OTUD3: variants seen among roughly 807,000 people sequenced by gnomAD.
OTUD3 encodes the protein OTU domain-containing protein 3.
OTUD3 carries 24 observed loss-of-function variants against 46.2 expected under a neutral mutation model. The observed-to-expected ratio is 0.52, with a 90% CI of 0.38 to 0.73. OTUD3 has a LOEUF of 0.73. OTUD3 is among the 30% of genes least tolerant of loss of function. The pLI is 0.00. For synonymous variants in OTUD3, 189 were observed against 195.4 expected (o/e 0.97, Z 0.27); for missense variants, 455 against 523.3 (o/e 0.87, Z 1.27).
At chr1:19,897,480 C>G in intron 3 of OTUD3, 60 bp from the exon 4 acceptor site, 2 of 1,590,344 alleles carry the variant, frequency 1.3e-6, no homozygotes, top group South Asian at 1.1e-5. Context: ...GTGGGTGTTT[C>G]TCTCCAGAAG....
rs2045721249 is a variant in OTUD3 at position 19,910,525 on chromosome 1, TAGA to T, written c.*2781_*2783del. The T allele has an allele frequency of 6.6e-6, 1 of 152,350 alleles. No individual in the cohort carries two copies. The highest frequency in any genetic ancestry group is 1.5e-5 in the Non-Finnish European group (1 of 68,042). 9.4% of individuals were successfully genotyped at this position (152,350 alleles called of 1,614,324 possible). ...TTGCCACTAGGAGATATTAGAAAGT[TAGA>T]ATGTATGTGTGTATTTAGTTTTTCA... On this transcript the variant is annotated 3_prime_UTR_variant, in exon 8 of 8. Coordinates refer to ENST00000375120, the MANE Select transcript of OTUD3 (RefSeq NM_015207.2).
chr1:19,911,104 G>C lies in OTUD3; in HGVS notation c.*3358G>C, dbSNP rs137878898. Reference sequence around the variant, plus strand: ...TTACCCTGACCAAAAGGATCTCTGCGGGGGGAAGAGAATGGAGCTTCCTGA... The same window carrying C: ...TTACCCTGACCAAAAGGATCTCTGCCGGGGGAAGAGAATGGAGCTTCCTGA... On this transcript the variant is annotated 3_prime_UTR_variant, in exon 8 of 8. Transcript: ENST00000375120. 2.0e-5 allele frequency: 3 copies of C among 152,260 alleles called. No homozygotes were observed. Among genetic ancestry groups the C allele is most frequent in the Non-Finnish European group, 4.4e-5 (3 of 68,028 alleles). 9.4% of individuals were successfully genotyped at this position (152,260 alleles called of 1,614,324 possible). A position where few individuals can be genotyped will look rare whatever the true frequency, so the allele number is the denominator to read the frequency against.
At chr1:19,890,127 T>C (rs563404935) in intron 1 of OTUD3, among the ~76,000 whole-genome samples, 15 of 152,194 alleles carry the variant, frequency 9.9e-5, no homozygotes, top group African/African-American at 3.6e-4. Context: ...CCCAGGGAAG[T>C]TTGATGACTC....
Position 19,905,002 on chromosome 1 carries a change from A to G in OTUD3, c.835+15A>G, listed in dbSNP as rs759152029. On this transcript the variant is annotated intron_variant, in intron 6 of 7. Transcript: ENST00000375120. Reference sequence around the variant, plus strand: ...GAAGAGAAATAGTAAGTCCATGACTAATATTTATAGATCTTCAAAATGGTT... The same window carrying G: ...GAAGAGAAATAGTAAGTCCATGACTGATATTTATAGATCTTCAAAATGGTT... 4.8e-6 allele frequency: 6 copies of G among 1,256,764 alleles called. No homozygotes were observed. The highest frequency in any genetic ancestry group is 1.9e-4 in the Middle Eastern group (1 of 5,208). The allele number at this position is 1,256,764 out of a possible 1,614,324, so 77.9% of individuals were successfully genotyped here. A position where few individuals can be genotyped will look rare whatever the true frequency, so the allele number is the denominator to read the frequency against.
In OTUD3 at chr1:19,882,410, C is replaced by G; in HGVS notation, c.-104C>G. ...AGGCGCGGTTGCTGCGTAGTCGTCG[C>G]CGGGCTCCGTTGCCCGCGCTGTTTT... On this transcript the variant is annotated 5_prime_UTR_variant, in exon 1 of 8. Transcript: ENST00000375120. 7.7e-7 allele frequency: 1 copy of G among 1,299,126 alleles called. No individual in the cohort carries two copies. Among genetic ancestry groups the G allele is most frequent in the Non-Finnish European group, 9.7e-7 (1 of 1,026,386 alleles). 80.5% of individuals were successfully genotyped at this position (1,299,126 alleles called of 1,614,324 possible).
chr1:19,901,605 ACTT>A (rs1300981129), intron 4 of OTUD3, among the ~76,000 whole-genome samples: 1 of 152,204 alleles, frequency 6.6e-6, no homozygotes, highest in East Asian at 1.9e-4. Context: ...TTGTACAACC[ACTT>A]CTTCTGTCTA....
intron 1 of OTUD3, among the ~76,000 whole-genome samples, chr1:19,884,271 T>C (rs984248620): frequency 1.3e-5 from 2 of 152,170 alleles, no homozygotes; most frequent in African/African-American, 4.8e-5. Context: ...ACTGAAGTAC[T>C]CAATAGAAGG....
intron 2 of OTUD3, among the ~76,000 whole-genome samples, chr1:19,892,649 T>G (rs912763596): frequency 2.6e-5 from 4 of 152,194 alleles, no homozygotes; most frequent in Non-Finnish European, 5.9e-5. Context: ...TACCCGTTCA[T>G]TACATGTTAT....
chr1:19,905,598 G>A (rs996625017), intron 6 of OTUD3, among the ~76,000 whole-genome samples: 5 of 152,012 alleles, frequency 3.3e-5, no homozygotes, highest in African/African-American at 9.7e-5. Flanking sequence ...AAAATTAGCT[G>A]GGTGTGGTGG....
At chr1:19,900,920 T>G (rs562119581) in intron 4 of OTUD3, among the ~76,000 whole-genome samples, 7 of 146,902 alleles carry the variant, frequency 4.8e-5, no homozygotes, top group East Asian at 1.9e-4. Flanking sequence ...TTTTTTGTTT[T>G]TTTTTTTTTT....
At chr1:19,887,375 C>T (rs1476635580) in intron 1 of OTUD3, among the ~76,000 whole-genome samples, 1 of 152,156 alleles carries the variant, frequency 6.6e-6, no homozygotes, top group African/African-American at 2.4e-5. Flanking sequence ...TGAGCCACCG[C>T]ACCCGGCTGA....
intron 4 of OTUD3, among the ~76,000 whole-genome samples, chr1:19,901,273 A>C: frequency 6.6e-6 from 1 of 152,176 alleles, no homozygotes; most frequent in Middle Eastern, 3.2e-3. Flanking sequence ...AAAAGCTGAC[A>C]TCTTTTTGAT....
intron 6 of OTUD3, 74 bp from the exon 7 acceptor site, chr1:19,906,358 G>A: frequency 1.5e-6 from 2 of 1,318,718 alleles, no homozygotes; most frequent in Middle Eastern, 3.8e-4. Flanking sequence ...AGGTAATTTT[G>A]GAATCATTAA....
chr1:19,906,499 T>C lies in OTUD3; in HGVS notation c.903T>C (p.Gly301=), dbSNP rs1335455375. ...AGTGTGGCCCTTTGTGGGAGGAGGG[T>C]GGCAGTGGTGCCAGAATCTTTGGAA... is the stretch of plus-strand genomic sequence containing the variant. The part of the protein sequence containing the change: ...LKQCGPLWEE[G]GSGARIFGNQ... The change falls in exon 7 of 8, where the codon GGT becomes GGC. Residue 301 remains glycine, a synonymous_variant. Transcript: ENST00000375120. 5 of 1,613,972 alleles carry C rather than the reference T, an allele frequency of 3.1e-6. No homozygotes were observed. Among genetic ancestry groups the C allele is most frequent in the Non-Finnish European group, 4.2e-6 (5 of 1,179,992 alleles).
At chr1:19,888,879 G>A (rs1303493543) in intron 1 of OTUD3, among the ~76,000 whole-genome samples, 1 of 152,034 alleles carries the variant, frequency 6.6e-6, no homozygotes, top group East Asian at 1.9e-4. Context: ...GAGTTCATGT[G>A]GCATATACAG....
At chr1:19,895,059 C>A (rs1442562199) in intron 3 of OTUD3, among the ~76,000 whole-genome samples, 1 of 152,204 alleles carries the variant, frequency 6.6e-6, no homozygotes, top group African/African-American at 2.4e-5. Context: ...CATTCACACA[C>A]ACTTGGCTAT....
Position 19,911,414 on chromosome 1 carries a change from G to C in OTUD3, c.*3668G>C, listed in dbSNP as rs1487249660. On this transcript the variant is annotated 3_prime_UTR_variant, in exon 8 of 8. Transcript: ENST00000375120. ...TTTTTTTTTTTTTTTTTTTGAGACA[G>C]AGTCTTGCTTTGTTGCCCAGGCTGG... 1 of 132,446 alleles carries C rather than the reference G, an allele frequency of 7.6e-6. No individual in the cohort carries two copies. The highest frequency in any genetic ancestry group is 3.0e-5 in the African/African-American group (1 of 33,674). 8.2% of individuals were successfully genotyped at this position (132,446 alleles called of 1,614,324 possible).
At chr1:19,885,693 A>G (rs1051623258) in intron 1 of OTUD3, among the ~76,000 whole-genome samples, 11 of 152,180 alleles carry the variant, frequency 7.2e-5, no homozygotes, top group African/African-American at 2.7e-4. Context: ...TGACCTCATG[A>G]TCCATCCGCC....
chr1:19,887,272 C>T (rs949988773), intron 1 of OTUD3, among the ~76,000 whole-genome samples: 10 of 152,082 alleles, frequency 6.6e-5, no homozygotes, highest in Non-Finnish European at 1.0e-4. Flanking sequence ...TTAGTAGAGA[C>T]GGGGTATCTC....
Sources: allele counts gnomAD v4.1 joint callset (sites outside exome capture counted in the v4.1 genomes callset), GRCh38; gene constraint gnomAD v4.1.1; transcripts MANE v1.5; gene names NCBI Gene and HGNC (gene_info 2026-07-23, HGNC 2026-07-21).